Variants in ZNF219 observed in about 807,000 individuals in gnomAD.
ZNF219 encodes zinc finger protein 219.
A neutral mutation model predicts 54.4 loss-of-function variants in ZNF219; 17 were observed. That is an observed-to-expected ratio of 0.31 (90% CI 0.21 to 0.47). ZNF219 has a LOEUF of 0.47. ZNF219 is among the 20% of genes least tolerant of loss of function. The probability of loss-of-function intolerance (pLI) is 1.00; values close to 1 mark genes in which losing one functional copy is unlikely to be tolerated. For synonymous variants in ZNF219, 518 were observed against 476.4 expected, an observed-to-expected ratio of 1.09 and a Z score of -1.14; for missense variants, 1,014 against 1,062.3, an observed-to-expected ratio of 0.95 and a Z score of 0.63.
intron 1 of ZNF219, chr14:21,094,533 A>C (rs1371934819): frequency 1.5e-5 from 6 of 391,946 alleles, no homozygotes; most frequent in African/African-American, 6.4e-5. Flanking sequence ...GGAGGATTAC[A>C]CTGGCTCTGA....
rs886581738 is a variant in ZNF219, at chr14:21,091,022, G to A, written c.1683C>T (p.Pro561=). Residue 561 remains proline, a synonymous_variant, in exon 5 of 5, where the codon CCC becomes CCT. Transcript: ENST00000360947. ...EQRSGAGPGP[P]PEPPPPSQRG... Reference sequence around the variant, plus strand: ...GCTGGGAAGGAGGCGGTGGCTCCGGGGGTGGCCCGGGGCCGGCCCCGCTCC... The same window carrying A: ...GCTGGGAAGGAGGCGGTGGCTCCGGAGGTGGCCCGGGGCCGGCCCCGCTCC... 3.9e-6 allele frequency: 6 copies of A among 1,553,046 alleles called. No individual in the cohort carries two copies. In the African/African-American group the frequency reaches 5.4e-5, roughly 14 times the overall value.
At chr14:21,103,438 C>A, upstream of ZNF219, 3 of 1,038,152 alleles carry the variant, frequency 2.9e-6, no homozygotes, top group Non-Finnish European at 4.0e-6. Flanking sequence ...CTCACCTCAC[C>A]ACCCTGAAAA....
In ZNF219 at chr14:21,094,613, G is replaced by A. The variant is rs559682389; in HGVS notation, c.-83-939C>T. 375 of 309,560 alleles carry A rather than the reference G, an allele frequency of 1.2e-3. 4 individuals carry two copies. The highest frequency in any genetic ancestry group is 9.3e-3 in the South Asian group (369 of 39,514). The allele number at this position is 309,560 out of a possible 1,614,324, so 19.2% of individuals were successfully genotyped here. Reference sequence around the variant, plus strand: ...CTGCACAGATAGGGACTCAGCACATGCTCTGAGCAGGAAAGGGTTAAAATT... The same window carrying A: ...CTGCACAGATAGGGACTCAGCACATACTCTGAGCAGGAAAGGGTTAAAATT... On this transcript the variant is annotated intron_variant, in intron 1 of 4. Coordinates refer to ENST00000360947, the MANE Select transcript of ZNF219 (RefSeq NM_016423.3).
upstream of ZNF219, chr14:21,101,472 C>T (rs1467374114): frequency 6.5e-7 from 1 of 1,544,500 alleles, no homozygotes; most frequent in South Asian, 1.2e-5. Flanking sequence ...GCTACCCCAT[C>T]CCAGGTCTCA....
At chr14:21,102,491 G>A (rs1566558222), upstream of ZNF219, 2 of 1,551,732 alleles carry the variant, frequency 1.3e-6, no homozygotes, top group East Asian at 2.4e-5. Context: ...CAGCCTTGGG[G>A]CCTGCCCCAA....
chr14:21,103,412 T>C, upstream of ZNF219: 3 of 1,264,612 alleles, frequency 2.4e-6, no homozygotes, highest in South Asian at 3.1e-5. Context: ...AAGATACACC[T>C]GGACGAGAAT....
chr14:21,093,410 A>G, intron 2 of ZNF219, 120 bp from the exon 3 acceptor site: 1 of 1,468,142 alleles, frequency 6.8e-7, no homozygotes, highest in Non-Finnish European at 9.2e-7. Flanking sequence ...CTGAACTAGG[A>G]ACACAGGGTG....
At chr14:21,098,819 G>A (rs1451129231), upstream of ZNF219, 1 of 1,288,194 alleles carries the variant, frequency 7.8e-7, no homozygotes, top group East Asian at 5.6e-5. Context: ...ACCAGGGAAG[G>A]AGTTGGCTCT....
chr14:21,102,086 C>T (rs1446186734), upstream of ZNF219: 3 of 1,551,370 alleles, frequency 1.9e-6, no homozygotes, highest in Admixed American at 5.9e-5. Context: ...GGGACTGTCA[C>T]TCTGGAGCTT....
At chr14:21,101,443 G>A (rs761067031), upstream of ZNF219, 6 of 1,551,296 alleles carry the variant, frequency 3.9e-6, no homozygotes, top group Middle Eastern at 1.7e-4. Flanking sequence ...GCACCTCTTG[G>A]TGCTAGCGGT....
In ZNF219 at chr14:21,098,469, C is replaced by T. The variant is rs1889437751; in HGVS notation, c.-241G>A. 1 of 972,620 alleles carries T rather than the reference C, an allele frequency of 1.0e-6. No individual in the cohort carries two copies. Among genetic ancestry groups the T allele is most frequent in the African/African-American group, 1.8e-5 (1 of 56,662 alleles). 60.2% of individuals were successfully genotyped at this position (972,620 alleles called of 1,614,324 possible). ...CCCGGCCCCCGCCCCCTCCCCGGTC[C>T]CCCGCCCCCGGCCCTGGCCCGCATT... On this transcript the variant is annotated 5_prime_UTR_variant, in exon 1 of 5. Transcript: ENST00000360947.
Position 21,090,077 on chromosome 14 carries a change from C to T in ZNF219, c.*459G>A. 1 of 336,884 alleles carries T rather than the reference C, an allele frequency of 3.0e-6. No homozygotes were observed. The highest frequency in any genetic ancestry group is 3.5e-5 in the Admixed American group (1 of 28,444). 20.9% of individuals were successfully genotyped at this position (336,884 alleles called of 1,614,324 possible). Reference sequence around the variant, plus strand: ...ATAGGTAGGCAGACAGACACAGGGCCCTGTGCCTCAAGACACCTGTTTATT... The same window carrying T: ...ATAGGTAGGCAGACAGACACAGGGCTCTGTGCCTCAAGACACCTGTTTATT... On this transcript the variant is annotated 3_prime_UTR_variant, in exon 5 of 5. Coordinates refer to ENST00000360947, the MANE Select transcript of ZNF219 (RefSeq NM_016423.3). The surrounding 1 kb of genome is among the most constrained non-coding windows in gnomAD (Gnocchi z 4.4).
chr14:21,095,254 C>G (rs1249916653), intron 1 of ZNF219, among the ~76,000 whole-genome samples: 1 of 152,176 alleles, frequency 6.6e-6, no homozygotes, highest in Non-Finnish European at 1.5e-5. Flanking sequence ...ACTAGACGAC[C>G]TCCACTACCA....
chr14:21,102,715 T>C, upstream of ZNF219: 1 of 1,551,492 alleles, frequency 6.4e-7, no homozygotes, highest in Non-Finnish European at 8.7e-7. Context: ...GCCCTATTCT[T>C]GCTGAGCCAG....
upstream of ZNF219, chr14:21,098,803 G>A (rs754840402): frequency 8.5e-6 from 11 of 1,287,058 alleles, no homozygotes; most frequent in Middle Eastern, 2.1e-4. Context: ...CCCTAAACCC[G>A]GACATACCAG....
chr14:21,090,903 G>C lies in ZNF219; in HGVS notation c.1802C>G (p.Ala601Gly). ...GGGCTTCCGACGGGACCCCGGCCCA[G>C]CACCGCTAGAAGGAGGCCGGGGACT... ...ASSPRPPSSG[A>G]GPGSRRKPAS... The change falls in exon 5 of 5, where the codon GCT becomes GGT. Residue 601 changes from alanine to glycine, a missense_variant. Coordinates refer to ENST00000360947, the MANE Select transcript of ZNF219 (RefSeq NM_016423.3). This position sits in a 1 kb window ranked among gnomAD's most constrained non-coding sequence, Gnocchi z 4.4. The C allele has an allele frequency of 1.9e-6, 3 of 1,550,152 alleles. No individual in the cohort carries two copies. The highest frequency in any genetic ancestry group is 1.7e-6 in the Non-Finnish European group (2 of 1,151,054).
upstream of ZNF219, chr14:21,103,621 C>A: frequency 4.7e-6 from 1 of 210,596 alleles, no homozygotes. Flanking sequence ...GCCCCAGTTC[C>A]CCTTTCGATC....
Position 21,091,208 on chromosome 14 carries a change from CAATTTACAG to C in ZNF219, c.1565-77_1565-69del. ...TGCACGCACCCACCCGAATTTCGCC[CAATTTACAG>C]ACCTCATTCTCAGAACCAAGAAAGG... On this transcript the variant is annotated intron_variant, in intron 4 of 4. Transcript: ENST00000360947. 2.6e-6 allele frequency: 4 copies of C among 1,535,524 alleles called. No individual in the cohort carries two copies. In the East Asian group the frequency reaches 9.1e-5, roughly 35 times the overall value.
intron 1 of ZNF219, among the ~76,000 whole-genome samples, chr14:21,096,296 C>G (rs1889273623): frequency 1.3e-5 from 2 of 152,206 alleles, no homozygotes; most frequent in African/African-American, 4.8e-5. Flanking sequence ...AAGGCCCAAA[C>G]TGAAGCTGAA....
Sources: gnomAD v4.1 joint callset for allele counts (sites outside exome capture counted in the v4.1 genomes callset) on GRCh38, gnomAD v4.1.1 for gene constraint, Gnocchi (gnomAD v3.1) non-coding constraint, MANE v1.5 for transcripts, NCBI Gene and HGNC (gene_info 2026-07-23, HGNC 2026-07-21) for gene names.